Variants in CAMTA1 observed in about 807,000 individuals in gnomAD.
The protein encoded by CAMTA1 is calmodulin binding transcription activator 1.
Under a neutral mutation model 170.9 loss-of-function variants are expected in CAMTA1, and 27 were observed. That is an observed-to-expected ratio of 0.16 (90% CI 0.12 to 0.22). The LOEUF is 0.22. Among genes scored for constraint, CAMTA1 ranks in the 10% least tolerant of loss-of-function variants. CAMTA1 has a pLI of 1.00. For missense variants in CAMTA1, 1,619 were observed against 2,217.2 expected, an observed-to-expected ratio of 0.73 and a Z score of 5.42; for synonymous variants, 833 against 891.5, an observed-to-expected ratio of 0.93 and a Z score of 1.17.
At chr1:6,899,556 A>ACG (rs1455997672) in intron 3 of CAMTA1, among the ~76,000 whole-genome samples, 2 of 31,494 alleles carry the variant, frequency 6.4e-5, no homozygotes, top group African/African-American at 1.5e-4. Context: ...GCGCGCGCGC[A>ACG]CACACACACA....
rs762125524 is a variant in CAMTA1, at chr1:7,146,117, C to G, written c.302+54746C>G. The stretch of plus-strand genomic sequence containing the variant: ...TTTAAAATGGGATGATTGTAAAGGC[C>G]GGGCCGAGGATCTCCCCTGGGGATG... On this transcript the variant is annotated intron_variant, in intron 4 of 22. Transcript: ENST00000303635. The surrounding 1 kb of genome is among the most constrained non-coding windows in gnomAD (Gnocchi z 4.3). Among the ~76,000 whole-genome samples, 4 of 152,064 alleles carry G rather than the reference C, an allele frequency of 2.6e-5. No homozygotes were observed. Among genetic ancestry groups the G allele is most frequent in the Admixed American group, 2.6e-4 (4 of 15,268 alleles).
chr1:7,421,883 C>T (rs1360724125), intron 5 of CAMTA1, among the ~76,000 whole-genome samples: 3 of 152,036 alleles, frequency 2.0e-5, no homozygotes, highest in African/African-American at 7.2e-5. Context: ...GCTCACTCCA[C>T]ACTGGAAGCC....
At chr1:7,710,866 C>T (rs915046873) in intron 11 of CAMTA1, among the ~76,000 whole-genome samples, 1 of 152,130 alleles carries the variant, frequency 6.6e-6, no homozygotes, top group Non-Finnish European at 1.5e-5. Context: ...TCTTATTTCC[C>T]TGTAGTTCCA....
At chr1:7,743,778 T>C (rs2096835453) in intron 16 of CAMTA1, among the ~76,000 whole-genome samples, 1 of 152,034 alleles carries the variant, frequency 6.6e-6, no homozygotes, top group Non-Finnish European at 1.5e-5. Flanking sequence ...CTGATTCTCA[T>C]AAAGAATATC....
chr1:7,444,807 C>T (rs1483408341), intron 5 of CAMTA1, among the ~76,000 whole-genome samples: 2 of 152,188 alleles, frequency 1.3e-5, no homozygotes, highest in Non-Finnish European at 2.9e-5. Context: ...CCTCTAAAAA[C>T]AAAGAAAACC....
chr1:7,677,696 G>A lies in CAMTA1; in HGVS notation c.2877G>A (p.Thr959=), dbSNP rs375819003. Residue 959 remains threonine, a synonymous_variant, in exon 11 of 23, where the codon ACG becomes ACA. Transcript: ENST00000303635. ...VFEYKARALP[T]LPSSQHDWLS... Reference sequence around the variant, plus strand: ...AGTACAAAGCCCGGGCTCTGCCCACGCTCCCTTCCTCCCAGCACGACTGGC... The same window carrying A: ...AGTACAAAGCCCGGGCTCTGCCCACACTCCCTTCCTCCCAGCACGACTGGC... The A allele has an allele frequency of 3.7e-6, 6 of 1,613,860 alleles. No homozygotes were observed. Among genetic ancestry groups the A allele is most frequent in the African/African-American group, 1.3e-5 (1 of 74,910 alleles).
intron 11 of CAMTA1, among the ~76,000 whole-genome samples, chr1:7,692,921 T>C (rs1258415323): frequency 6.6e-6 from 1 of 152,200 alleles, no homozygotes; most frequent in African/African-American, 2.4e-5. Context: ...TGAGGAGTGC[T>C]TGAGTGTCCG....
chr1:7,310,649 TTC>T lies in CAMTA1; in HGVS notation c.438+61025_438+61026del, dbSNP rs1491538231. Among the ~76,000 whole-genome samples the T allele has an allele frequency of 1.1e-4, 7 of 62,954 alleles. 1 individual carries two copies. The highest frequency in any genetic ancestry group is 6.1e-4 in the African/African-American group (7 of 11,396). The allele number at this position is 62,954 out of a possible 152,430, so 41.3% of individuals were successfully genotyped here. On this transcript the variant is annotated intron_variant, in intron 5 of 22. Transcript: ENST00000303635. ...CTTTCTTTCTTTCTTTCTTTCTTTT[TTC>T]TTTCTTTCTTTCTTTCTTTCCTTTC...
Position 7,733,781 on chromosome 1 carries a change from A to G in CAMTA1, c.3066+1182A>G, listed in dbSNP as rs1161122810. On this transcript the variant is annotated intron_variant, in intron 12 of 22. Coordinates refer to ENST00000303635, the MANE Select transcript of CAMTA1 (RefSeq NM_015215.4). ...TTTTGGTTTTATGAACCTCATAAAT[A>G]TCAAGTTTAGTTATATTTTAAATAA... is the stretch of plus-strand genomic sequence containing the variant. 2.0e-5 allele frequency among the ~76,000 whole-genome samples: 3 copies of G among 152,198 alleles called. No homozygotes were observed. In the East Asian group the frequency reaches 5.8e-4, roughly 29 times the overall value.
chr1:6,939,936 T>G (rs548849216), intron 3 of CAMTA1, among the ~76,000 whole-genome samples: 1 of 152,402 alleles, frequency 6.6e-6, no homozygotes, highest in South Asian at 2.1e-4. Context: ...AGATGCTCGC[T>G]GGATGAATGC....
At chr1:6,802,113 C>G (rs946633691) in intron 1 of CAMTA1, among the ~76,000 whole-genome samples, 1 of 152,178 alleles carries the variant, frequency 6.6e-6, no homozygotes, top group Non-Finnish European at 1.5e-5. Context: ...CAATCGTAGC[C>G]TCTCGGGACA....
chr1:6,896,406 G>C (rs1223715528), intron 3 of CAMTA1, among the ~76,000 whole-genome samples: 1 of 152,196 alleles, frequency 6.6e-6, no homozygotes, highest in African/African-American at 2.4e-5. Flanking sequence ...AATTCCCTCA[G>C]ATCCAGCCTT....
In CAMTA1 at chr1:7,453,543, C is replaced by T. The variant is rs143400419; in HGVS notation, c.439-14287C>T. Among the ~76,000 whole-genome samples the T allele has an allele frequency of 4.3e-3, 652 of 152,340 alleles. 1 individual carries two copies. The highest frequency in any genetic ancestry group is 0.015 in the African/African-American group (612 of 41,578). On this transcript the variant is annotated intron_variant, in intron 5 of 22. Transcript: ENST00000303635. ...ATAGTTCTAGGCACTATGCTGGAACCCCCAGCTCTGAGCCAAACAGGCCTT... is the reference window on the plus strand; with the variant it reads ...ATAGTTCTAGGCACTATGCTGGAACTCCCAGCTCTGAGCCAAACAGGCCTT...
At chr1:7,415,770 ATAT>A (rs1404029690) in intron 5 of CAMTA1, among the ~76,000 whole-genome samples, 1 of 152,148 alleles carries the variant, frequency 6.6e-6, no homozygotes, top group Non-Finnish European at 1.5e-5. Context: ...TTTAAAGTTA[ATAT>A]TATTATGTGT....
intron 3 of CAMTA1, among the ~76,000 whole-genome samples, chr1:6,947,859 G>C (rs1384128295): frequency 6.6e-6 from 1 of 151,666 alleles, no homozygotes; most frequent in Non-Finnish European, 1.5e-5. Context: ...ATTGATTTTT[G>C]TTTGTTGATC....
chr1:7,526,946 T>C (rs2094438537), intron 6 of CAMTA1, among the ~76,000 whole-genome samples: 3 of 152,194 alleles, frequency 2.0e-5, no homozygotes, highest in South Asian at 2.1e-4. Context: ...TGCTGGGGCC[T>C]GTGTTTCCAA....
chr1:7,245,728 G>T (rs1665657769), intron 4 of CAMTA1, among the ~76,000 whole-genome samples: 1 of 151,942 alleles, frequency 6.6e-6, no homozygotes, highest in Non-Finnish European at 1.5e-5. Flanking sequence ...GGTCTCGGAA[G>T]GTTTCCCTGT....
intron 3 of CAMTA1, among the ~76,000 whole-genome samples, chr1:7,079,083 C>T (rs1182006176): frequency 2.0e-5 from 3 of 152,172 alleles, no homozygotes; most frequent in Admixed American, 6.5e-5. Context: ...ATACAGGACT[C>T]GGAGGTATTT....
At chr1:6,968,895 C>G (rs1692044327) in intron 3 of CAMTA1, among the ~76,000 whole-genome samples, 1 of 152,080 alleles carries the variant, frequency 6.6e-6, no homozygotes, top group African/African-American at 2.4e-5. Flanking sequence ...AGTGTGGCTG[C>G]AGCATGGAGC....
Sources: gnomAD v4.1 joint callset for allele counts (sites outside exome capture counted in the v4.1 genomes callset) on GRCh38, gnomAD v4.1.1 for gene constraint, Gnocchi (gnomAD v3.1) non-coding constraint, MANE v1.5 for transcripts, NCBI Gene and HGNC (gene_info 2026-07-23, HGNC 2026-07-21) for gene names.